The following DCLK1 variants were observed in gnomAD, a reference collection of about 807,000 sequenced individuals.
DCLK1 encodes the protein doublecortin like kinase 1.
Under a neutral mutation model 86.2 loss-of-function variants are expected in DCLK1, and 16 were observed. That is an observed-to-expected ratio of 0.19 (90% CI 0.13 to 0.28). The LOEUF is 0.28. Among genes scored for constraint, DCLK1 ranks in the 10% least tolerant of loss-of-function variants. The pLI is 1.00. For missense variants in DCLK1, 590 were observed against 940.2 expected, an observed-to-expected ratio of 0.63 and a Z score of 4.87; for synonymous variants, 369 against 370.5, an observed-to-expected ratio of 1.00 and a Z score of 0.05.
intron 3 of DCLK1, among the ~76,000 whole-genome samples, chr13:35,993,511 G>A (rs958719455): frequency 9.9e-5 from 15 of 152,168 alleles, no homozygotes; most frequent in African/African-American, 3.4e-4. Context: ...AGCACTGGAC[G>A]TAGCATGATT....
chr13:36,037,250 G>C (rs945578735), intron 3 of DCLK1, among the ~76,000 whole-genome samples: 1 of 152,060 alleles, frequency 6.6e-6, no homozygotes, highest in Non-Finnish European at 1.5e-5. Context: ...GAAAGGGTAG[G>C]GGTTGAGGAG....
chr13:36,104,091 T>A (rs1885309811), intron 3 of DCLK1, among the ~76,000 whole-genome samples: 2 of 152,216 alleles, frequency 1.3e-5, no homozygotes, highest in African/African-American at 4.8e-5. Flanking sequence ...GAAACAACCA[T>A]CATGGTGCGG....
At chr13:35,958,103 AACC>A (rs1189631561) in intron 3 of DCLK1, among the ~76,000 whole-genome samples, 3 of 464 alleles carry the variant, frequency 6.5e-3, no homozygotes, top group Non-Finnish European at 0.011. Flanking sequence ...CCACCGCTAT[AACC>A]ACCATCACCA....
chr13:36,045,397 A>C (rs1003174469), intron 3 of DCLK1, among the ~76,000 whole-genome samples: 1 of 133,192 alleles, frequency 7.5e-6, no homozygotes, highest in Non-Finnish European at 1.6e-5. Context: ...AATTGCTAAC[A>C]TCAGTGAACT....
intron 15 of DCLK1, among the ~76,000 whole-genome samples, chr13:35,794,158 C>T (rs2086759691): frequency 6.6e-6 from 1 of 152,222 alleles, no homozygotes; most frequent in Non-Finnish European, 1.5e-5. Flanking sequence ...GTACTAAATA[C>T]TGTTAGAATC....
At chr13:35,850,611 A>G (rs1870544223) in intron 6 of DCLK1, 2 of 1,312,196 alleles carry the variant, frequency 1.5e-6, no homozygotes, top group East Asian at 2.8e-5. Flanking sequence ...GTCTTTTATC[A>G]TTTCAAGGTA....
intron 11 of DCLK1, among the ~76,000 whole-genome samples, chr13:35,813,305 T>C (rs2087190397): frequency 6.6e-6 from 1 of 151,890 alleles, no homozygotes; most frequent in South Asian, 2.1e-4. Context: ...TTTTGTAGCT[T>C]TTTTCTTAAA....
chr13:35,809,638 T>C (rs1429146184), intron 12 of DCLK1, among the ~76,000 whole-genome samples: 1 of 152,140 alleles, frequency 6.6e-6, no homozygotes. Context: ...GTCCCCAATA[T>C]GGTCTTCAAG....
chr13:35,792,701 T>C (rs17772746), intron 16 of DCLK1, among the ~76,000 whole-genome samples: 4,318 of 152,304 alleles, frequency 0.028, 94 homozygotes, highest in African/African-American at 0.052. Context: ...CTCGGCCCAA[T>C]TTAATCTTTG....
At chr13:36,072,511 C>A (rs9602056) in intron 3 of DCLK1, among the ~76,000 whole-genome samples, 3 of 152,184 alleles carry the variant, frequency 2.0e-5, no homozygotes, top group Non-Finnish European at 4.4e-5. Flanking sequence ...TATCTTCAGG[C>A]CAGACTTCTT....
At chr13:36,097,440 T>G (rs894441810) in intron 3 of DCLK1, among the ~76,000 whole-genome samples, 2 of 152,356 alleles carry the variant, frequency 1.3e-5, no homozygotes, top group Admixed American at 1.3e-4. Flanking sequence ...TTTGCGATAT[T>G]CACACTCTAT....
At chr13:35,889,430 T>C (rs1873498456) in intron 4 of DCLK1, among the ~76,000 whole-genome samples, 1 of 152,164 alleles carries the variant, frequency 6.6e-6, no homozygotes, top group Admixed American at 6.5e-5. Flanking sequence ...CTCCCTGCTG[T>C]GTCACACAGC....
intron 5 of DCLK1, among the ~76,000 whole-genome samples, chr13:35,866,679 G>T (rs1675287525): frequency 6.6e-6 from 1 of 151,390 alleles, no homozygotes; most frequent in African/African-American, 2.4e-5. Context: ...AAAGTGCTGG[G>T]ATTACAGGCA....
At chr13:35,917,180 G>A (rs778620313) in intron 4 of DCLK1, among the ~76,000 whole-genome samples, 15 of 152,078 alleles carry the variant, frequency 9.9e-5, no homozygotes, top group Non-Finnish European at 1.6e-4. Context: ...TCTATGGGTC[G>A]TTGTTTCCTT....
At chr13:36,039,228 C>T (rs1051657347) in intron 3 of DCLK1, among the ~76,000 whole-genome samples, 2 of 152,174 alleles carry the variant, frequency 1.3e-5, no homozygotes, top group Non-Finnish European at 2.9e-5. Flanking sequence ...TAAAAGAAAA[C>T]TCCAGAAATA....
At chr13:35,812,750 G>A (rs568432534) in intron 11 of DCLK1, among the ~76,000 whole-genome samples, 1 of 152,230 alleles carries the variant, frequency 6.6e-6, no homozygotes, top group Non-Finnish European at 1.5e-5. Context: ...CTGTTGATCA[G>A]GATCAAGTTT....
At chr13:35,897,999 A>G (rs866341974) in intron 4 of DCLK1, among the ~76,000 whole-genome samples, 1 of 152,244 alleles carries the variant, frequency 6.6e-6, no homozygotes, top group Non-Finnish European at 1.5e-5. Context: ...GTCTTCAAAC[A>G]TATATGAAAA....
chr13:35,880,886 C>T (rs1335012973), intron 4 of DCLK1, among the ~76,000 whole-genome samples: 2 of 152,106 alleles, frequency 1.3e-5, no homozygotes, highest in African/African-American at 4.8e-5. Context: ...TCATAAAAAA[C>T]CCATGTGTCT....
At chr13:36,119,396 C>A (rs1034845294) in intron 2 of DCLK1, among the ~76,000 whole-genome samples, 3 of 152,078 alleles carry the variant, frequency 2.0e-5, no homozygotes, top group Non-Finnish European at 4.4e-5. Flanking sequence ...CTGCTATAGG[C>A]AAGATCCACC....
Sources: allele counts gnomAD v4.1 joint callset (sites outside exome capture counted in the v4.1 genomes callset), GRCh38; gene constraint gnomAD v4.1.1; transcripts MANE v1.5; gene names NCBI Gene and HGNC (gene_info 2026-07-23, HGNC 2026-07-21).